PTBP1: variants seen among roughly 807,000 people sequenced by gnomAD.
PTBP1 encodes polypyrimidine tract-binding protein 1.
Under a neutral mutation model 59.8 loss-of-function variants are expected in PTBP1, and 8 were observed. The ratio of observed to expected loss-of-function variants is 0.13; its 90% confidence interval spans 0.08 to 0.24. PTBP1 has a LOEUF of 0.24. PTBP1 is among the 10% of genes least tolerant of loss of function. The pLI is 1.00. For synonymous variants in PTBP1, 490 were observed against 320.7 expected (o/e 1.53, Z -5.64); for missense variants, 686 against 767.0 (o/e 0.89, Z 1.25).
rs1193261948 is a variant in PTBP1, at chr19:805,071, A to G, written c.776A>G (p.Lys259Arg). 2 of 1,613,798 alleles carry G rather than the reference A, an allele frequency of 1.2e-6. No homozygotes were observed. Among genetic ancestry groups the G allele is most frequent in the East Asian group, 4.5e-5 (2 of 44,860 alleles). ...ACCTLRIDFS[K>R]LTSLNVKYNN... ...TGCACGCTGCGCATCGACTTTTCCA[A>G]GCTCACCAGCCTCAACGTCAAGTAC... Residue 259 changes from lysine to arginine, a missense_variant, in exon 8 of 15, where the codon AAG (lysine) becomes AGG (arginine). Transcript: ENST00000356948.
At chr19:806,352 C>T (rs1431605389) in intron 9 of PTBP1, 56 bp from the exon 10 acceptor site, 2 of 1,537,144 alleles carry the variant, frequency 1.3e-6, no homozygotes, top group East Asian at 2.6e-5. Context: ...TCGGCCTCTC[C>T]CACTCTGCGG....
rs763977311 is a variant in PTBP1 at position 806,575 on chromosome 19, C to G, written c.1119+19C>G. On this transcript the variant is annotated intron_variant, in intron 10 of 14. Transcript: ENST00000356948. The stretch of plus-strand genomic sequence containing the variant: ...CCCAGAGGTACGTGGGCTTTTCCTC[C>G]GCGCCGCCGTTCCTCCCGGAAGAGC... 1.4e-6 allele frequency: 2 copies of G among 1,477,224 alleles called. No individual in the cohort carries two copies. Among genetic ancestry groups the G allele is most frequent in the African/African-American group, 1.5e-5 (1 of 67,708 alleles). The allele number at this position is 1,477,224 out of a possible 1,614,324, so 91.5% of individuals were successfully genotyped here.
chr19:810,470 GA>G, intron 13 of PTBP1, 72 bp from the exon 14 acceptor site: 1 of 1,340,728 alleles, frequency 7.5e-7, no homozygotes, highest in South Asian at 1.2e-5. Flanking sequence ...CTAGTCTGGG[GA>G]AAGCCTCGCG....
chr19:805,058 A>T lies in PTBP1; in HGVS notation c.763A>T (p.Ile255Phe). Residue 255 changes from isoleucine to phenylalanine, a missense_variant, in exon 8 of 15, where the codon ATC becomes TTC. Physicochemically the swap from Ile to Phe is conservative, Grantham distance 21. Transcript: ENST00000356948. Reference protein sequence around the residue: ...NIYNACCTLRIDFSKLTSLNV... With the variant: ...NIYNACCTLRFDFSKLTSLNV... ...CTACAACGCCTGCTGCACGCTGCGC[A>T]TCGACTTTTCCAAGCTCACCAGCCT... 6.2e-7 allele frequency: 1 copy of T among 1,613,836 alleles called. No individual in the cohort carries two copies.
intron 8 of PTBP1, 151 bp downstream of exon 8, chr19:805,338 A>G (rs1320231839): frequency 9.3e-6 from 11 of 1,187,278 alleles, no homozygotes; most frequent in African/African-American, 9.1e-5. Flanking sequence ...AGTGTCCCCC[A>G]CGTCGGGACC....
Position 807,524 on chromosome 19 carries a change from G to GT in PTBP1, c.1120-338dup, listed in dbSNP as rs575889645. 7.9e-5 allele frequency: 27 copies of GT among 343,810 alleles called. No homozygotes were observed. The Middle Eastern group carries it at 3.2e-3, about 41-fold the overall frequency. 21.3% of individuals were successfully genotyped at this position (343,810 alleles called of 1,614,324 possible). ...GATTCTTATGTATTTACTGACCTGTGTTTTTTTGCTACTTTTTTTCTTTTC... is the reference window on the plus strand; with the variant it reads ...GATTCTTATGTATTTACTGACCTGTGTTTTTTTTGCTACTTTTTTTCTTTTC... On this transcript the variant is annotated intron_variant, in intron 10 of 14. Coordinates refer to ENST00000356948, the MANE Select transcript of PTBP1 (RefSeq NM_002819.5).
rs530977627 is a variant in PTBP1 at position 808,069 on chromosome 19, C to T, written c.1153+167C>T. 252 of 698,926 alleles carry T rather than the reference C, an allele frequency of 3.6e-4. 1 individual carries two copies. In the South Asian group the frequency reaches 3.9e-3, roughly 11 times the overall value. 43.3% of individuals were successfully genotyped at this position (698,926 alleles called of 1,614,324 possible). A position where few individuals can be genotyped will look rare whatever the true frequency, so the allele number is the denominator to read the frequency against. On this transcript the variant is annotated intron_variant, in intron 11 of 14. Transcript: ENST00000356948. This position sits in a 1 kb window ranked among gnomAD's most constrained non-coding sequence, Gnocchi z 4.7. Reference sequence around the variant, plus strand: ...CGAATTTTATTTGGTCCCGTAGATACGTACGCATGGTTTATCGCCCTGCAT... The same window carrying T: ...CGAATTTTATTTGGTCCCGTAGATATGTACGCATGGTTTATCGCCCTGCAT...
chr19:809,135 A>G (rs1363990647), intron 13 of PTBP1, among the ~76,000 whole-genome samples: 1 of 151,866 alleles, frequency 6.6e-6, no homozygotes, highest in African/African-American at 2.4e-5. Flanking sequence ...CAGCTTCCCG[A>G]GTAGCTGGGA....
Position 804,823 on chromosome 19 carries a change from C to G in PTBP1, c.607-6C>G. The G allele has an allele frequency of 1.2e-6, 2 of 1,612,904 alleles. No homozygotes were observed. The highest frequency in any genetic ancestry group is 1.7e-6 in the Non-Finnish European group (2 of 1,178,952). ...AGGAGCTCATGCTGTGGCCCGGGAC[C>G]TGCAGATTTTCTCCAAGTTCGGCAC... On this transcript the variant is annotated splice_polypyrimidine_tract_variant and splice_region_variant and intron_variant, in intron 6 of 14. Coordinates refer to ENST00000356948, the MANE Select transcript of PTBP1 (RefSeq NM_002819.5).
In PTBP1 at chr19:811,788, A is replaced by G. The variant is rs893734131; in HGVS notation, c.*962A>G. On this transcript the variant is annotated 3_prime_UTR_variant, in exon 15 of 15. Coordinates refer to ENST00000356948, the MANE Select transcript of PTBP1 (RefSeq NM_002819.5). ...GCATCGCCTCCGGTTGCCTTACACC[A>G]CGCCTTCACCTGCAGTCGCCTAGAA... 4.6e-5 allele frequency: 7 copies of G among 152,376 alleles called. No individual in the cohort carries two copies. The highest frequency in any genetic ancestry group is 1.7e-4 in the African/African-American group (7 of 41,426). 9.4% of individuals were successfully genotyped at this position (152,376 alleles called of 1,614,324 possible). A position where few individuals can be genotyped will look rare whatever the true frequency, so the allele number is the denominator to read the frequency against.
At chr19:803,684 TG>T (rs773205176) in intron 3 of PTBP1, 48 bp downstream of exon 3, 1 of 1,500,754 alleles carries the variant, frequency 6.7e-7, no homozygotes, top group South Asian at 1.1e-5. Context: ...TGTCTTTCCC[TG>T]GAACAACGTT....
chr19:798,164 C>T (rs928005250), intron 1 of PTBP1, among the ~76,000 whole-genome samples: 2 of 152,024 alleles, frequency 1.3e-5, no homozygotes, highest in Non-Finnish European at 1.5e-5. Context: ...GAAGCGGCCG[C>T]CCCGAGGGTC....
chr19:809,898 CTG>C (rs938699844), intron 13 of PTBP1, among the ~76,000 whole-genome samples: 3 of 152,200 alleles, frequency 2.0e-5, no homozygotes, highest in African/African-American at 7.2e-5. Flanking sequence ...AAGACCCTGT[CTG>C]TAAAAATTAC....
In PTBP1 at chr19:804,297, C is replaced by T; in HGVS notation, c.294C>T (p.Phe98=). 6.2e-7 allele frequency: 1 copy of T among 1,613,808 alleles called. No individual in the cohort carries two copies. The highest frequency in any genetic ancestry group is 8.5e-7 in the Non-Finnish European group (1 of 1,179,938). Residue 98 remains phenylalanine, a synonymous_variant, in exon 5 of 15, where the codon TTC becomes TTT. Transcript: ENST00000356948. Reference sequence around the variant, plus strand: ...GCTCACTGCCTCCCCAACAGGCCTTCATCGAGATGAACACGGAGGAGGCTG... The same window carrying T: ...GCTCACTGCCTCCCCAACAGGCCTTTATCGAGATGAACACGGAGGAGGCTG... ...LLMLKGKNQA[F]IEMNTEEAAN...
At position 808,787 on chromosome 19, in the gene PTBP1, T is replaced by TGGGGCC; in HGVS notation, c.1463+30_1463+35dup. 6.5e-7 allele frequency: 1 copy of TGGGGCC among 1,530,838 alleles called. No homozygotes were observed. The highest frequency in any genetic ancestry group is 1.2e-5 in the South Asian group (1 of 86,662). The allele number at this position is 1,530,838 out of a possible 1,614,324, so 94.8% of individuals were successfully genotyped here. On this transcript the variant is annotated intron_variant, in intron 13 of 14. Coordinates refer to ENST00000356948, the MANE Select transcript of PTBP1 (RefSeq NM_002819.5). This position sits in a 1 kb window ranked among gnomAD's most constrained non-coding sequence, Gnocchi z 4.7. Reference sequence around the variant, plus strand: ...CGTGAGTGCTGGGCCGGGGGGCTCATGGGGCCGGGGGCGGGCAAGGGCTCT... The same window carrying TGGGGCC: ...CGTGAGTGCTGGGCCGGGGGGCTCATGGGGCCGGGGCCGGGGGCGGGCAAGGGCTCT...
chr19:806,676 C>A, intron 10 of PTBP1, 120 bp downstream of exon 10: 1 of 959,232 alleles, frequency 1.0e-6, no homozygotes, highest in Non-Finnish European at 1.4e-6. Context: ...TCTGCCCTGG[C>A]AGCCCCTCTG....
chr19:800,328 T>C (rs1021292452), intron 2 of PTBP1, among the ~76,000 whole-genome samples: 5 of 152,124 alleles, frequency 3.3e-5, no homozygotes, highest in African/African-American at 1.2e-4. Context: ...GCCACGTCTC[T>C]GGGGTGTGCG....
chr19:811,106 C>T lies in PTBP1; in HGVS notation c.*280C>T, dbSNP rs991651968. On this transcript the variant is annotated 3_prime_UTR_variant, in exon 15 of 15. Transcript: ENST00000356948. ...GGCCATGCCTTGGTGGGGCCTGTGT[C>T]GGGCGTGGGGCCTGCAGGTGGGCGC... is the stretch of plus-strand genomic sequence containing the variant. 4.2e-5 allele frequency: 14 copies of T among 330,502 alleles called. No homozygotes were observed. The highest frequency in any genetic ancestry group is 7.3e-5 in the South Asian group (1 of 13,694). 20.5% of individuals were successfully genotyped at this position (330,502 alleles called of 1,614,324 possible).
chr19:809,020 A>G (rs1334255010), intron 13 of PTBP1, among the ~76,000 whole-genome samples: 1 of 152,026 alleles, frequency 6.6e-6, no homozygotes, highest in Non-Finnish European at 1.5e-5. Flanking sequence ...ATTTATTTAT[A>G]TTTTTTGAGG....
Sources: allele counts gnomAD v4.1 joint callset (sites outside exome capture counted in the v4.1 genomes callset), GRCh38; gene constraint gnomAD v4.1.1; non-coding constraint Gnocchi (gnomAD v3.1); transcripts MANE v1.5; gene names NCBI Gene and HGNC (gene_info 2026-07-23, HGNC 2026-07-21).